The following EDEM3 variants were observed in gnomAD, a reference collection of about 807,000 sequenced individuals.
EDEM3 encodes ER degradation-enhancing alpha-mannosidase-like protein 3.
EDEM3 carries 60 observed loss-of-function variants against 110.2 expected under a neutral mutation model. The observed-to-expected ratio is 0.54, with a 90% confidence interval of 0.44 to 0.67. The LOEUF is 0.67. Among genes scored for constraint, EDEM3 ranks in the 30% least tolerant of loss-of-function variants. EDEM3 has a pLI of 0.00. For missense variants in EDEM3, 996 were observed against 1,121.0 expected (o/e 0.89, Z 1.59); for synonymous variants, 352 against 382.9 (o/e 0.92, Z 0.94).
chr1:184,716,709 C>T (rs1272584899), intron 13 of EDEM3, among the ~76,000 whole-genome samples, 179 bp downstream of exon 13: 1 of 152,044 alleles, frequency 6.6e-6, no homozygotes, highest in Non-Finnish European at 1.5e-5. Context: ...GATAAAAATA[C>T]AAACTTTTCA....
Position 184,706,745 on chromosome 1 carries a change from C to A in EDEM3, c.2101G>T (p.Ala701Ser). 1.2e-6 allele frequency: 2 copies of A among 1,613,960 alleles called. No individual in the cohort carries two copies. Among genetic ancestry groups the A allele is most frequent in the South Asian group, 1.1e-5 (1 of 91,082 alleles). Residue 701 changes from alanine to serine, a missense_variant, in exon 18 of 20, where the codon GCA (alanine) becomes TCA (serine). Physicochemically the swap from Ala to Ser is moderately conservative, Grantham distance 99. Coordinates refer to ENST00000318130, the MANE Select transcript of EDEM3 (RefSeq NM_025191.4). ...ATCAGTGCGATTTTTCCCATCACTG[C>A]CTCTGGGTTAGTAAGCTCTGAACAA... ...NGCSELTNPEAVMGKIALIQR... is the reference protein window; with the variant it reads ...NGCSELTNPESVMGKIALIQR...
At chr1:184,723,660 T>G (rs1443453648) in intron 8 of EDEM3, 91 bp downstream of exon 8, 6 of 1,017,632 alleles carry the variant, frequency 5.9e-6, no homozygotes, top group Non-Finnish European at 8.8e-6. Flanking sequence ...CTTTATAGTA[T>G]CCCAAAGATT....
chr1:184,701,486 A>G (rs758550858), intron 19 of EDEM3: 1 of 1,271,328 alleles, frequency 7.9e-7, no homozygotes, highest in South Asian at 1.3e-5. Flanking sequence ...TTGTTAATGC[A>G]AGATACTTAC....
chr1:184,706,534 T>TA (rs909572393), intron 18 of EDEM3, 109 bp downstream of exon 18: 194 of 1,018,078 alleles, frequency 1.9e-4, no homozygotes, highest in East Asian at 1.4e-3. Flanking sequence ...CTAGGTGAGG[T>TA]AAAAAAAACT....
chr1:184,747,031 A>C (rs1176544543), intron 2 of EDEM3, among the ~76,000 whole-genome samples: 1 of 151,996 alleles, frequency 6.6e-6, no homozygotes, highest in Non-Finnish European at 1.5e-5. Flanking sequence ...AAAAAAAAAA[A>C]AACATTATTT....
chr1:184,742,180 A>G (rs890434098), intron 2 of EDEM3, among the ~76,000 whole-genome samples: 6 of 152,052 alleles, frequency 3.9e-5, no homozygotes, highest in African/African-American at 1.4e-4. Flanking sequence ...AAAGGGGGGG[A>G]AATAACTTTC....
At chr1:184,723,904 A>G (rs1367065191) in intron 7 of EDEM3, 48 bp from the exon 8 acceptor site, 2 of 1,385,982 alleles carry the variant, frequency 1.4e-6, no homozygotes, top group Non-Finnish European at 1.9e-6. Flanking sequence ...TATTTGAAGA[A>G]CTAAGTCTCT....
At chr1:184,741,118 C>T (rs925537108) in intron 2 of EDEM3, among the ~76,000 whole-genome samples, 3 of 152,116 alleles carry the variant, frequency 2.0e-5, no homozygotes, top group South Asian at 2.1e-4. Flanking sequence ...AATAATAAGG[C>T]CAGGTGTGGT....
At chr1:184,740,811 TA>T (rs1405679270) in intron 2 of EDEM3, among the ~76,000 whole-genome samples, 6 of 152,272 alleles carry the variant, frequency 3.9e-5, no homozygotes, top group African/African-American at 9.6e-5. Context: ...AGAAACTTAA[TA>T]AAGGCCAAGT....
chr1:184,750,371 C>T (rs1334026449), intron 1 of EDEM3, among the ~76,000 whole-genome samples: 2 of 152,126 alleles, frequency 1.3e-5, no homozygotes, highest in African/African-American at 4.8e-5. Flanking sequence ...TGTAAGGTTG[C>T]GACTGAGGAA....
At chr1:184,726,853 GGATT>G (rs1651220178) in intron 6 of EDEM3, among the ~76,000 whole-genome samples, 1 of 152,132 alleles carries the variant, frequency 6.6e-6, no homozygotes, top group Admixed American at 6.5e-5. Context: ...GAGAAAAAAC[GGATT>G]GTTATGGTAT....
chr1:184,719,337 A>C, intron 10 of EDEM3, 92 bp from the exon 11 acceptor site: 1 of 1,529,510 alleles, frequency 6.5e-7, no homozygotes. Flanking sequence ...TACAAATACA[A>C]TTCTGAACTG....
Position 184,731,150 on chromosome 1 carries a change from T to C in EDEM3, c.612+1687A>G, listed in dbSNP as rs76313924. Among the ~76,000 whole-genome samples the C allele has an allele frequency of 8.8e-4, 134 of 152,304 alleles. 2 individuals carry two copies. In the East Asian group the frequency reaches 0.023, roughly 26 times the overall value. On this transcript the variant is annotated intron_variant, in intron 6 of 19. Coordinates refer to ENST00000318130, the MANE Select transcript of EDEM3 (RefSeq NM_025191.4). The stretch of plus-strand genomic sequence containing the variant: ...GACAGGCATAAGAAAAGAAAAAAAC[T>C]GACAGAGCTTGCTAATGGCTGAGGT...
At chr1:184,747,710 GA>G (rs1341855157) in intron 2 of EDEM3, among the ~76,000 whole-genome samples, 1 of 152,196 alleles carries the variant, frequency 6.6e-6, no homozygotes, top group Non-Finnish European at 1.5e-5. Context: ...AATTGTAGCA[GA>G]AAGTTACTCA....
At position 184,694,150 on chromosome 1, in the gene EDEM3, AC is replaced by A. The variant is rs1438912215; in HGVS notation, c.2711del (p.Gly904ValfsTer7). Reference sequence around the variant, plus strand: ...TGGAGTCTATAGGCTGGACCTTTTTACCCCAGCTAACATTAGGATTGGAATC... The same window carrying A: ...TGGAGTCTATAGGCTGGACCTTTTTACCCAGCTAACATTAGGATTGGAATC... Reference protein sequence around the residue: ...EEDSNPNVSWGKKVQPIDSIL... With the variant: ...EEDSNPNVSWXKKVQPIDSIL... On this transcript the variant is annotated frameshift_variant, in exon 20 of 20. Coordinates refer to ENST00000318130, the MANE Select transcript of EDEM3 (RefSeq NM_025191.4). LOFTEE classifies it high-confidence loss of function. 6.2e-7 allele frequency: 1 copy of A among 1,613,190 alleles called. No homozygotes were observed. The highest frequency in any genetic ancestry group is 1.3e-5 in the African/African-American group (1 of 74,858).
At chr1:184,698,265 AT>A (rs1649431548) in intron 19 of EDEM3, among the ~76,000 whole-genome samples, 1 of 151,830 alleles carries the variant, frequency 6.6e-6, no homozygotes. Context: ...CCAGCATTTC[AT>A]TTTAGTAAAT....
At chr1:184,696,902 T>G (rs1649360067) in intron 19 of EDEM3, among the ~76,000 whole-genome samples, 1 of 151,986 alleles carries the variant, frequency 6.6e-6, no homozygotes, top group Non-Finnish European at 1.5e-5. Context: ...ATATACGATA[T>G]TATTTTGGAA....
intron 13 of EDEM3, among the ~76,000 whole-genome samples, chr1:184,714,869 T>C (rs138476007): frequency 5.5e-4 from 84 of 152,288 alleles, no homozygotes; most frequent in African/African-American, 2.0e-3. Context: ...ACCATACAGT[T>C]AAGTATGTGA....
intron 2 of EDEM3, among the ~76,000 whole-genome samples, chr1:184,748,762 G>A (rs1267906777): frequency 2.0e-5 from 3 of 152,204 alleles, no homozygotes; most frequent in Non-Finnish European, 4.4e-5. Flanking sequence ...CACAGAATCA[G>A]TTGAAAAATA....
Sources: gnomAD v4.1 joint callset for allele counts (sites outside exome capture counted in the v4.1 genomes callset) on GRCh38, gnomAD v4.1.1 for gene constraint, MANE v1.5 for transcripts, NCBI Gene and HGNC (gene_info 2026-07-23, HGNC 2026-07-21) for gene names.